Variants in SOBP observed in about 807,000 individuals in gnomAD.
SOBP encodes the protein sine oculis binding protein homolog.
Under a neutral mutation model 53.6 loss-of-function variants are expected in SOBP, and 4 were observed. The observed-to-expected ratio is 0.07, with a 90% CI of 0.04 to 0.17. The LOEUF (loss-of-function observed/expected upper bound fraction) is 0.17, where lower values mean the gene tolerates loss of function less well. Among genes scored for constraint, SOBP ranks in the 10% least tolerant of loss-of-function variants. The pLI, the probability that SOBP is intolerant of heterozygous loss-of-function variation, is 1.00. For missense variants in SOBP, 1,088 were observed against 1,204.7 expected (o/e 0.90, Z 1.43); for synonymous variants, 584 against 522.6 (o/e 1.12, Z -1.60).
intron 3 of SOBP, 59 bp downstream of exon 3, chr6:107,506,486 T>C: frequency 6.4e-7 from 1 of 1,572,962 alleles, no homozygotes; most frequent in Non-Finnish European, 8.7e-7. Context: ...TTTAACCATC[T>C]TAGGAATAAT....
intron 4 of SOBP, among the ~76,000 whole-genome samples, chr6:107,537,819 CA>C (rs527261424): frequency 0.04 from 3,829 of 94,662 alleles, 85 homozygotes; most frequent in East Asian, 0.21. Flanking sequence ...GACCCTATCT[CA>C]AAAAAAAAAA....
chr6:107,494,514 C>G (rs1244568058), intron 1 of SOBP, among the ~76,000 whole-genome samples: 1 of 152,124 alleles, frequency 6.6e-6, no homozygotes, highest in Non-Finnish European at 1.5e-5. Context: ...CTCAAAATAT[C>G]CAAACTGTGA....
At chr6:107,644,458 T>C (rs1771469922) in intron 6 of SOBP, among the ~76,000 whole-genome samples, 1 of 152,234 alleles carries the variant, frequency 6.6e-6, no homozygotes, top group South Asian at 2.1e-4. Flanking sequence ...TCAGCCATCT[T>C]GGAAGCTAAG....
At chr6:107,532,239 TCTCA>T (rs201502448) in intron 3 of SOBP, among the ~76,000 whole-genome samples, 103 of 66,900 alleles carry the variant, frequency 1.5e-3, no homozygotes, top group East Asian at 4.7e-3. Context: ...TCTCTCTCTC[TCTCA>T]CACACACACA....
chr6:107,513,453 TTA>T (rs1276984703), intron 3 of SOBP, among the ~76,000 whole-genome samples: 2 of 152,314 alleles, frequency 1.3e-5, no homozygotes, highest in Non-Finnish European at 2.9e-5. Flanking sequence ...TTTTTGGCTC[TTA>T]TAATTCTGAC....
At chr6:107,505,178 A>G (rs753621965) in intron 2 of SOBP, among the ~76,000 whole-genome samples, 1 of 152,206 alleles carries the variant, frequency 6.6e-6, no homozygotes, top group Non-Finnish European at 1.5e-5. Context: ...TGATTATATT[A>G]TGATACAAGT....
rs1183475928 is a variant in SOBP, at chr6:107,596,632, A to G, written c.669+9457A>G. 5.3e-5 allele frequency among the ~76,000 whole-genome samples: 8 copies of G among 152,178 alleles called. No individual in the cohort carries two copies. The East Asian group carries it at 1.2e-3, about 22-fold the overall frequency. On this transcript the variant is annotated intron_variant, in intron 5 of 6. Transcript: ENST00000317357. ...AGCTGAGTTTAAAATAAGAAACTTT[A>G]CTTTTGCCTTGATTTTCCAGAAAAT...
At chr6:107,614,784 G>T (rs1356037432) in intron 5 of SOBP, among the ~76,000 whole-genome samples, 1 of 152,210 alleles carries the variant, frequency 6.6e-6, no homozygotes, top group East Asian at 1.9e-4. Flanking sequence ...ATTGTTATTT[G>T]CTGAATGCAA....
intron 1 of SOBP, among the ~76,000 whole-genome samples, chr6:107,501,189 G>A (rs983986655): frequency 1.3e-5 from 2 of 152,122 alleles, no homozygotes; most frequent in Non-Finnish European, 2.9e-5. Context: ...AGCACAAACC[G>A]TAAACTAAAC....
intron 4 of SOBP, among the ~76,000 whole-genome samples, chr6:107,554,188 T>C (rs1784543426): frequency 6.6e-6 from 1 of 152,194 alleles, no homozygotes; most frequent in Non-Finnish European, 1.5e-5. Context: ...GAAAAGGGCA[T>C]TTGGCCTGAG....
chr6:107,533,038 G>A (rs1219479339), intron 3 of SOBP, among the ~76,000 whole-genome samples: 1 of 152,116 alleles, frequency 6.6e-6, no homozygotes, highest in East Asian at 1.9e-4. Context: ...TGTTCCATTT[G>A]TAAGTTAGCA....
At chr6:107,638,357 C>T (rs965196906) in intron 6 of SOBP, among the ~76,000 whole-genome samples, 19 of 152,186 alleles carry the variant, frequency 1.2e-4, no homozygotes, top group African/African-American at 4.3e-4. Context: ...GTTATAGCCA[C>T]GCGCCACGAT....
intron 5 of SOBP, among the ~76,000 whole-genome samples, chr6:107,632,146 A>G (rs1456457604): frequency 6.6e-6 from 1 of 152,220 alleles, no homozygotes; most frequent in Non-Finnish European, 1.5e-5. Flanking sequence ...TAAAAAACCA[A>G]CACGCACCAA....
chr6:107,502,096 A>G (rs985743167), intron 1 of SOBP, among the ~76,000 whole-genome samples: 2 of 152,176 alleles, frequency 1.3e-5, no homozygotes, highest in African/African-American at 4.8e-5. Context: ...TTGAAATGCC[A>G]GGTTTGTTTT....
chr6:107,614,623 C>T (rs1019157528), intron 5 of SOBP, among the ~76,000 whole-genome samples: 4 of 152,154 alleles, frequency 2.6e-5, no homozygotes, highest in Admixed American at 2.0e-4. Context: ...GTGAGTTCCC[C>T]GTTGGCAGAA....
At chr6:107,535,229 T>G (rs1314648721) in intron 4 of SOBP, among the ~76,000 whole-genome samples, 4 of 152,204 alleles carry the variant, frequency 2.6e-5, no homozygotes, top group Non-Finnish European at 4.4e-5. Context: ...TGATTCCATT[T>G]GGAAAAACAC....
intron 3 of SOBP, among the ~76,000 whole-genome samples, chr6:107,525,662 T>C (rs1783640497): frequency 1.3e-5 from 2 of 152,246 alleles, no homozygotes; most frequent in South Asian, 2.1e-4. Context: ...CATCTCATTC[T>C]TAAATCTGTC....
At chr6:107,647,226 A>G (rs1258558784) in intron 6 of SOBP, among the ~76,000 whole-genome samples, 1 of 152,162 alleles carries the variant, frequency 6.6e-6, no homozygotes, top group African/African-American at 2.4e-5. Context: ...CATACCAACA[A>G]TGCATGAGAC....
At chr6:107,501,908 A>G (rs777862735) in intron 1 of SOBP, among the ~76,000 whole-genome samples, 26 of 152,210 alleles carry the variant, frequency 1.7e-4, no homozygotes, top group Non-Finnish European at 2.5e-4. Flanking sequence ...ATCAGAGAGA[A>G]TAAATGCCTC....
Sources: allele counts gnomAD v4.1 joint callset (sites outside exome capture counted in the v4.1 genomes callset), GRCh38; gene constraint gnomAD v4.1.1; transcripts MANE v1.5; gene names NCBI Gene and HGNC (gene_info 2026-07-23, HGNC 2026-07-21).